The following ESR1 variants were observed in gnomAD, a reference collection of about 807,000 sequenced individuals.
The protein encoded by ESR1 is estrogen receptor 1, also known as estrogen receptor.
ESR1 carries 12 observed loss-of-function variants against 52.7 expected under a neutral mutation model. The ratio of observed to expected loss-of-function variants is 0.23; its 90% CI spans 0.15 to 0.37. ESR1 has a LOEUF of 0.37. Ranked by LOEUF, ESR1 falls within the 10% of genes least tolerant of loss-of-function variation. ESR1 has a pLI of 1.00. For missense variants in ESR1, 584 were observed against 779.7 expected, an observed-to-expected ratio of 0.75 and a Z score of 2.99; for synonymous variants, 305 against 316.8, an observed-to-expected ratio of 0.96 and a Z score of 0.39.
chr6:151,961,216 A>C (rs2037620773), intron 4 of ESR1, among the ~76,000 whole-genome samples: 1 of 152,122 alleles, frequency 6.6e-6, no homozygotes, highest in African/African-American at 2.4e-5. Flanking sequence ...AAGGAGACCA[A>C]AGATTGAGCC....
chr6:151,766,936 TA>T, intron 2 of ESR1, among the ~76,000 whole-genome samples: 1 of 152,354 alleles, frequency 6.6e-6, no homozygotes, highest in East Asian at 1.9e-4. Flanking sequence ...ATGACAGATA[TA>T]GTTGAGCAAA....
intron 4 of ESR1, among the ~76,000 whole-genome samples, chr6:151,976,261 C>T (rs9479153): frequency 4.3e-4 from 65 of 152,194 alleles, no homozygotes; most frequent in African/African-American, 6.3e-4. Context: ...TTGATACCAT[C>T]GTGACTTAGC....
At chr6:151,753,717 A>T (rs1487079574) in intron 2 of ESR1, among the ~76,000 whole-genome samples, 4 of 152,184 alleles carry the variant, frequency 2.6e-5, no homozygotes, top group African/African-American at 7.2e-5. Flanking sequence ...TTATTTAGGT[A>T]AAAGTTTGGC....
chr6:151,901,432 T>C (rs1009874336), intron 3 of ESR1, among the ~76,000 whole-genome samples: 3 of 152,092 alleles, frequency 2.0e-5, no homozygotes, highest in African/African-American at 7.2e-5. Context: ...CCAAATTCAC[T>C]CCCTCCCCCA....
At chr6:151,787,060 T>C (rs1456768516) in intron 2 of ESR1, among the ~76,000 whole-genome samples, 6 of 152,168 alleles carry the variant, frequency 3.9e-5, no homozygotes, top group African/African-American at 1.4e-4. Context: ...CCACCCCACT[T>C]GGCCTCCCAA....
At chr6:151,860,577 A>C (rs577737086) in intron 2 of ESR1, among the ~76,000 whole-genome samples, 1 of 152,200 alleles carries the variant, frequency 6.6e-6, no homozygotes, top group African/African-American at 2.4e-5. Flanking sequence ...ATACATGCAC[A>C]CATACACAAT....
chr6:151,804,194 T>G (rs751051636), upstream of ESR1, among the ~76,000 whole-genome samples: 6 of 152,170 alleles, frequency 3.9e-5, no homozygotes, highest in Non-Finnish European at 1.5e-5. Context: ...CTCACCAAGA[T>G]GAGTTTGGAA....
intron 4 of ESR1, among the ~76,000 whole-genome samples, chr6:151,993,043 A>G (rs546962337): frequency 6.6e-6 from 1 of 152,282 alleles, no homozygotes; most frequent in South Asian, 2.1e-4. Context: ...CCCCACTCAC[A>G]GGTTTGAAAA....
chr6:151,806,043 C>T (rs923650361), upstream of ESR1, among the ~76,000 whole-genome samples: 3 of 152,036 alleles, frequency 2.0e-5, no homozygotes, highest in African/African-American at 7.3e-5. Context: ...GTGCTTTTTG[C>T]ATGTGTTTTA....
intron 6 of ESR1, among the ~76,000 whole-genome samples, chr6:152,118,977 T>C (rs2051243379): frequency 6.6e-6 from 1 of 151,978 alleles, no homozygotes; most frequent in African/African-American, 2.4e-5. Flanking sequence ...TTCTCCACAA[T>C]CCCCTGTGAA....
At chr6:152,127,856 G>A (rs1051165199) in exon 7 of ESR1, 1 of 152,224 alleles carries the variant, frequency 6.6e-6, no homozygotes, top group Non-Finnish European at 1.5e-5. Context: ...TTGCTTAAAT[G>A]TATCTGATTA....
chr6:152,094,413 G>A lies in ESR1; in HGVS notation c.1398G>A (p.Leu466=), dbSNP rs1562780669. The A allele has an allele frequency of 6.2e-7, 1 of 1,614,114 alleles. No homozygotes were observed. The highest frequency in any genetic ancestry group is 8.5e-7 in the Non-Finnish European group (1 of 1,179,996). ...TGTACACATTTCTGTCCAGCACCCT[G>A]AAGTCTCTGGAAGAGAAGGACCATA... ...SGVYTFLSST[L]KSLEEKDHIH... The change falls in exon 7 of 8, where the codon CTG becomes CTA. Residue 466 remains leucine (L), a synonymous_variant. Coordinates refer to ENST00000206249, the MANE Select transcript of ESR1 (RefSeq NM_000125.4). The surrounding 1 kb of genome is among the most constrained non-coding windows in gnomAD (Gnocchi z 4.6).
intron 6 of ESR1, among the ~76,000 whole-genome samples, chr6:152,117,755 G>C (rs1160153694): frequency 1.3e-5 from 2 of 152,186 alleles, no homozygotes; most frequent in Non-Finnish European, 2.9e-5. Context: ...ATCTGAGTGA[G>C]GGTTCTCTCC....
At chr6:151,881,600 T>C (rs2128336427) in intron 3 of ESR1, among the ~76,000 whole-genome samples, 1 of 152,218 alleles carries the variant, frequency 6.6e-6, no homozygotes, top group East Asian at 1.9e-4. Context: ...TTCAGTGTAG[T>C]GGAAGAGAAC....
chr6:151,807,382 G>A (rs979362065), upstream of ESR1: 2 of 208,698 alleles, frequency 9.6e-6, no homozygotes, highest in East Asian at 1.1e-4. Context: ...GAGAAAGCCG[G>A]CCCCTGGATC....
intron 3 of ESR1, among the ~76,000 whole-genome samples, chr6:151,938,338 T>C (rs2034621012): frequency 6.6e-6 from 1 of 152,164 alleles, no homozygotes; most frequent in Admixed American, 6.5e-5. Context: ...ATGTTAACTT[T>C]TTCTGAGATA....
intron 1 of ESR1, among the ~76,000 whole-genome samples, chr6:151,660,797 A>G (rs1240178660): frequency 1.3e-5 from 2 of 152,184 alleles, no homozygotes; most frequent in Non-Finnish European, 2.9e-5. Context: ...ATACACTGGT[A>G]AGCCCCAATA....
intron 1 of ESR1, among the ~76,000 whole-genome samples, chr6:151,659,148 G>T (rs538028575): frequency 3.3e-5 from 5 of 152,234 alleles, no homozygotes; most frequent in African/African-American, 4.8e-5. Flanking sequence ...TGAGTAGCTG[G>T]GATTACAGTC....
At chr6:151,679,061 C>T (rs1211536598) in intron 1 of ESR1, among the ~76,000 whole-genome samples, 1 of 151,924 alleles carries the variant, frequency 6.6e-6, no homozygotes, top group Non-Finnish European at 1.5e-5. Flanking sequence ...TCTTGACATT[C>T]AAAAAAAGTA....
Sources: gnomAD v4.1 joint callset for allele counts (sites outside exome capture counted in the v4.1 genomes callset) on GRCh38, gnomAD v4.1.1 for gene constraint, Gnocchi (gnomAD v3.1) non-coding constraint, MANE v1.5 for transcripts, NCBI Gene and HGNC (gene_info 2026-07-23, HGNC 2026-07-21) for gene names.